CARS1: variants seen among roughly 807,000 people sequenced by gnomAD.
CARS1 encodes the protein cysteinyl-tRNA synthetase 1.
In CARS1, 48 loss-of-function variants were observed where a neutral mutation model predicts 106.2. The ratio of observed to expected loss-of-function variants is 0.45; its 90% CI spans 0.36 to 0.57. CARS1 has a LOEUF of 0.57. Among genes scored for constraint, CARS1 ranks in the 20% least tolerant of loss-of-function variants. The probability of loss-of-function intolerance (pLI) is 0.00; values close to 1 mark genes in which losing one functional copy is unlikely to be tolerated. For synonymous variants in CARS1, 409 were observed against 403.4 expected (o/e 1.01, Z -0.17); for missense variants, 968 against 1,057.2 (o/e 0.92, Z 1.17).
chr11:3,039,754 A>C lies in CARS1; in HGVS notation c.552+81T>G, dbSNP rs1003949588. ...AAAACACAAGCTAGCTCAAGCCTAC[A>C]TTATTTACTTATGCGAAAGTTCTAT... On this transcript the variant is annotated intron_variant, in intron 5 of 22. Transcript: ENST00000380525. This position sits in a 1 kb window ranked among gnomAD's most constrained non-coding sequence, Gnocchi z 5.6. 1.5e-6 allele frequency: 1 copy of C among 688,400 alleles called. No individual in the cohort carries two copies. The highest frequency in any genetic ancestry group is 3.1e-5 in the Admixed American group (1 of 32,038). 42.6% of individuals were successfully genotyped at this position (688,400 alleles called of 1,614,324 possible). A position where few individuals can be genotyped will look rare whatever the true frequency, so the allele number is the denominator to read the frequency against.
At chr11:3,054,589 A>T (rs1184873326) in intron 1 of CARS1, among the ~76,000 whole-genome samples, 6 of 152,240 alleles carry the variant, frequency 3.9e-5, no homozygotes, top group Non-Finnish European at 7.3e-5. Flanking sequence ...ACAGCACAGC[A>T]GTTAAGGTCC....
rs1268818881 is a variant in CARS1 at position 3,003,819 on chromosome 11, C to A, written c.2218-1219G>T. Reference sequence around the variant, plus strand: ...GGAATGGTACAGGGAGAGGCAGGACCCCTCCCCCATGGTGCCTCGGGCCTG... The same window carrying A: ...GGAATGGTACAGGGAGAGGCAGGACACCTCCCCCATGGTGCCTCGGGCCTG... On this transcript the variant is annotated intron_variant, in intron 20 of 22. Coordinates refer to ENST00000380525, the MANE Select transcript of CARS1 (RefSeq NM_001014437.3). The surrounding 1 kb of genome is among the most constrained non-coding windows in gnomAD (Gnocchi z 4.8). Among the ~76,000 whole-genome samples, 1 of 152,098 alleles carries A rather than the reference C, an allele frequency of 6.6e-6. No homozygotes were observed. Among genetic ancestry groups the A allele is most frequent in the Non-Finnish European group, 1.5e-5 (1 of 68,018 alleles).
In CARS1 at chr11:3,017,651, A is replaced by C; in HGVS notation, c.1727+206T>G. 1 of 573,100 alleles carries C rather than the reference A, an allele frequency of 1.7e-6. No homozygotes were observed. Among genetic ancestry groups the C allele is most frequent in the South Asian group, 2.4e-5 (1 of 42,158 alleles). 35.5% of individuals were successfully genotyped at this position (573,100 alleles called of 1,614,324 possible). ...AGGGCGAAACTCCGTCTCAAAAAGA[A>C]AAAACAAAAAAGAAATTCTCCATGC... is the stretch of plus-strand genomic sequence containing the variant. On this transcript the variant is annotated intron_variant, in intron 15 of 22. Transcript: ENST00000380525. This position sits in a 1 kb window ranked among gnomAD's most constrained non-coding sequence, Gnocchi z 4.9.
intron 2 of CARS1, 74 bp from the exon 3 acceptor site, chr11:3,042,330 A>G (rs1854573286): frequency 1.9e-6 from 2 of 1,064,096 alleles, no homozygotes; most frequent in South Asian, 2.7e-5. Flanking sequence ...TCACCTGGAG[A>G]CTTGGTTTTT....
At chr11:3,023,324 C>CT (rs1256995073) in intron 10 of CARS1, among the ~76,000 whole-genome samples, 3 of 152,158 alleles carry the variant, frequency 2.0e-5, no homozygotes, top group Non-Finnish European at 4.4e-5. Flanking sequence ...CCTCTAAGGA[C>CT]TTTAAGAAAT....
In CARS1 at chr11:3,057,324, G is replaced by A. The variant is rs1048160694; in HGVS notation, c.25+19C>T. 1 of 1,605,962 alleles carries A rather than the reference G, an allele frequency of 6.2e-7. No homozygotes were observed. Among genetic ancestry groups the A allele is most frequent in the Non-Finnish European group, 8.5e-7 (1 of 1,176,304 alleles). ...CAGGCCCCCAGCCGCCCTCAGCCTG[G>A]CCCGGCCGCGCCGCTCACCCTGCTG... On this transcript the variant is annotated intron_variant, in intron 1 of 22. Transcript: ENST00000380525.
rs1479840785 is a variant in CARS1 at position 3,018,482 on chromosome 11, G to C, written c.1555C>G (p.His519Asp). The change falls in exon 14 of 23, where the codon CAC becomes GAC. Residue 519 changes from histidine to aspartate, a missense_variant. His to Asp is a moderately conservative substitution (Grantham distance 81). Coordinates refer to ENST00000380525, the MANE Select transcript of CARS1 (RefSeq NM_001014437.3). The stretch of plus-strand genomic sequence containing the variant: ...TAGTCCAGGGTGTCCTTCCACGAGT[G>C]CATGAGGAAGGCCAGCCGCAACTGC... ...ARQLRLAFLM[H>D]SWKDTLDYSS... 6.2e-7 allele frequency: 1 copy of C among 1,613,946 alleles called. No homozygotes were observed. The highest frequency in any genetic ancestry group is 8.5e-7 in the Non-Finnish European group (1 of 1,179,816).
chr11:3,004,845 A>C lies in CARS1; in HGVS notation c.2217+521T>G, dbSNP rs549640407. On this transcript the variant is annotated intron_variant, in intron 20 of 22. Transcript: ENST00000380525. The surrounding 1 kb of genome is among the most constrained non-coding windows in gnomAD (Gnocchi z 5.2). The stretch of plus-strand genomic sequence containing the variant: ...GCTTCGGGCCAGGCGTGGTGGCTCA[A>C]GCCTGTAATCCCAGCACTTTGGGAG... 3.5e-4 allele frequency among the ~76,000 whole-genome samples: 53 copies of C among 152,080 alleles called. No individual in the cohort carries two copies. The highest frequency in any genetic ancestry group is 6.8e-4 in the Non-Finnish European group (46 of 68,010).
intron 1 of CARS1, among the ~76,000 whole-genome samples, chr11:3,049,975 G>A (rs1855494456): frequency 6.6e-6 from 1 of 152,150 alleles, no homozygotes; most frequent in Admixed American, 6.6e-5. Context: ...GGAACGCTGT[G>A]GTGTCAGCAA....
chr11:3,014,149 A>G (rs1419546872), intron 17 of CARS1, among the ~76,000 whole-genome samples: 1 of 152,092 alleles, frequency 6.6e-6, no homozygotes, highest in East Asian at 1.9e-4. Context: ...CATTCACCCC[A>G]CTGCTAGGCT....
At chr11:3,010,200 G>A (rs1447564968) in intron 18 of CARS1, among the ~76,000 whole-genome samples, 1 of 152,260 alleles carries the variant, frequency 6.6e-6, no homozygotes, top group Non-Finnish European at 1.5e-5. Context: ...CACCGAGCGG[G>A]AGCTTGTGCC....
chr11:3,041,140 G>T lies in CARS1; in HGVS notation c.367-156C>A. On this transcript the variant is annotated intron_variant, in intron 3 of 22. Transcript: ENST00000380525. The surrounding 1 kb of genome is among the most constrained non-coding windows in gnomAD (Gnocchi z 4.9). ...TTTACTGTGAAAAGTCACAGTCTCA[G>T]TGGGAGCCCAGTGAGATGTACGGCA... The T allele has an allele frequency of 1.6e-6, 2 of 1,223,148 alleles. No homozygotes were observed. Among genetic ancestry groups the T allele is most frequent in the Non-Finnish European group, 2.3e-6 (2 of 878,334 alleles). 75.8% of individuals were successfully genotyped at this position (1,223,148 alleles called of 1,614,324 possible).
rs201559101 is a variant in CARS1 at position 3,012,146 on chromosome 11, C to A, written c.2068+49G>T. 6.0e-4 allele frequency: 913 copies of A among 1,522,092 alleles called. 3 individuals are homozygous for A. The African/African-American group carries it at 0.011, about 19-fold the overall frequency. 94.3% of individuals were successfully genotyped at this position (1,522,092 alleles called of 1,614,324 possible). A position where few individuals can be genotyped will look rare whatever the true frequency, so the allele number is the denominator to read the frequency against. ...CGGGGGAGACGCCCGGTCCGGGGAG[C>A]CCAGTGAGGGGAGTGGCTCCCACAC... is the stretch of plus-strand genomic sequence containing the variant. On this transcript the variant is annotated intron_variant, in intron 18 of 22. Coordinates refer to ENST00000380525, the MANE Select transcript of CARS1 (RefSeq NM_001014437.3).
chr11:3,015,744 A>G (rs1323019300), intron 17 of CARS1, 37 bp downstream of exon 17: 1 of 1,577,542 alleles, frequency 6.3e-7, no homozygotes, highest in South Asian at 1.1e-5. Flanking sequence ...GTGGGGAGGG[A>G]GCAGGTGCAG....
At chr11:3,002,446 G>A (rs1849477655) in intron 21 of CARS1, 95 bp downstream of exon 21, 6 of 1,573,278 alleles carry the variant, frequency 3.8e-6, no homozygotes, top group African/African-American at 1.4e-5. Flanking sequence ...GCAGGGGCCT[G>A]GCTAAGGTCC....
In CARS1 at chr11:3,047,933, G is replaced by A; in HGVS notation, c.94C>T (p.Leu32Phe). ...CCCTGGACATAGCTACGCGTGCTGA[G>A]GTGCTCGTTCAGGGCTTGTGCCCTG... ...AARAQALNEH[L>F]STRSYVQGYS... Residue 32 changes from leucine to phenylalanine, a missense_variant, in exon 2 of 23, where the codon CTC becomes TTC. Physicochemically the swap from Leu to Phe is conservative, Grantham distance 22 (BLOSUM62 0). Transcript: ENST00000380525. The A allele has an allele frequency of 1.2e-6, 2 of 1,614,148 alleles. No individual in the cohort carries two copies. Among genetic ancestry groups the A allele is most frequent in the Non-Finnish European group, 1.7e-6 (2 of 1,180,026 alleles).
rs776662659 is a variant in CARS1, at chr11:3,039,825, T to C, written c.552+10A>G. On this transcript the variant is annotated intron_variant, in intron 5 of 22. Coordinates refer to ENST00000380525, the MANE Select transcript of CARS1 (RefSeq NM_001014437.3). The surrounding 1 kb of genome is among the most constrained non-coding windows in gnomAD (Gnocchi z 5.6). ...TGCATTTAAAATTTAATCTTACAAA[T>C]TCCCTTTACCTTGTCATCAATATCC... is the stretch of plus-strand genomic sequence containing the variant. 30 of 1,389,850 alleles carry C rather than the reference T, an allele frequency of 2.2e-5. 1 individual carries two copies. The South Asian group carries it at 3.7e-4, about 17-fold the overall frequency. The allele number at this position is 1,389,850 out of a possible 1,614,324, so 86.1% of individuals were successfully genotyped here. A position where few individuals can be genotyped will look rare whatever the true frequency, so the allele number is the denominator to read the frequency against.
Position 3,053,182 on chromosome 11 carries a change from T to C in CARS1, c.25+4161A>G, listed in dbSNP as rs1031326353. ...TGTGGCAGTGCGACCTCTCCCTCTC[T>C]CTGGCTCTTTCCTATCAGCATTTAT... On this transcript the variant is annotated intron_variant, in intron 1 of 22. Transcript: ENST00000380525. This position sits in a 1 kb window ranked among gnomAD's most constrained non-coding sequence, Gnocchi z 6.6. 2.0e-5 allele frequency among the ~76,000 whole-genome samples: 3 copies of C among 152,252 alleles called. No individual in the cohort carries two copies. The highest frequency in any genetic ancestry group is 7.2e-5 in the African/African-American group (3 of 41,478).
chr11:3,015,726 G>A (rs932918704), intron 17 of CARS1, 55 bp downstream of exon 17: 8 of 1,455,366 alleles, frequency 5.5e-6, no homozygotes, highest in Non-Finnish European at 7.7e-6. Context: ...GACACAGAGG[G>A]GTAGGGAGTG....
Sources: gnomAD v4.1 joint callset for allele counts (sites outside exome capture counted in the v4.1 genomes callset) on GRCh38, gnomAD v4.1.1 for gene constraint, Gnocchi (gnomAD v3.1) non-coding constraint, MANE v1.5 for transcripts, NCBI Gene and HGNC (gene_info 2026-07-23, HGNC 2026-07-21) for gene names.